The following HERC1 variants were observed in gnomAD, a reference collection of about 807,000 sequenced individuals.
The protein encoded by HERC1 is HECT and RLD domain containing E3 ubiquitin protein ligase family member 1, also known as probable E3 ubiquitin-protein ligase HERC1.
In HERC1, 160 loss-of-function variants were observed where a neutral mutation model predicts 554.3. The ratio of observed to expected loss-of-function variants is 0.29; its 90% CI spans 0.25 to 0.33. The LOEUF (loss-of-function observed/expected upper bound fraction) is 0.33. HERC1 is among the 10% of genes least tolerant of loss of function. HERC1 has a pLI of 1.00. For missense variants in HERC1, 4,919 were observed against 5,918.5 expected (o/e 0.83, Z 5.54); for synonymous variants, 2,175 against 2,131.7 (o/e 1.02, Z -0.56).
intron 12 of HERC1, among the ~76,000 whole-genome samples, chr15:63,744,110 C>CTGTGTGTGTGTGTGTGTGTGTGTG (rs142936354): frequency 5.4e-5 from 5 of 93,350 alleles, no homozygotes; most frequent in Admixed American, 1.1e-4. Flanking sequence ...CCCAAACAGA[C>CTGTGTGTGTGTGTGTGTGTGTGTG]TGTGTGTGTG....
Position 63,758,205 on chromosome 15 carries a change from T to C in HERC1, c.1191A>G (p.Lys397=), listed in dbSNP as rs542395927. 15 of 1,611,544 alleles carry C rather than the reference T, an allele frequency of 9.3e-6. No individual in the cohort carries two copies. The East Asian group carries it at 3.1e-4, about 34-fold the overall frequency. ...GTGCATCAGAGAAACTAGGAGCCAG[T>C]TTGGGTTGCAGTATTTTCTCCTGTG... ...EGTQEKILQP[K]LAPSFSDAQT... The change falls in exon 4 of 78, where the codon AAA becomes AAG. Residue 397 remains lysine (K), a synonymous_variant. Coordinates refer to ENST00000443617, the MANE Select transcript of HERC1 (RefSeq NM_003922.4). The surrounding 1 kb of genome is among the most constrained non-coding windows in gnomAD (Gnocchi z 4.0).
Position 63,615,936 on chromosome 15 carries a change from A to T in HERC1, c.13942-16T>A. ...GAGGAATCATCTAGGAACAGAAGAA[A>T]ACAGAATTTTTATTACATGGTAGAA... On this transcript the variant is annotated splice_polypyrimidine_tract_variant and intron_variant, in intron 75 of 77. Transcript: ENST00000443617. 6.4e-7 allele frequency: 1 copy of T among 1,565,718 alleles called. No individual in the cohort carries two copies. The highest frequency in any genetic ancestry group is 8.6e-7 in the Non-Finnish European group (1 of 1,160,228).
At chr15:63,690,741 AT>A in intron 31 of HERC1, 94 bp from the exon 32 acceptor site, 1 of 736,404 alleles carries the variant, frequency 1.4e-6, no homozygotes, top group Non-Finnish European at 2.4e-6. Flanking sequence ...GCTGCTAAAC[AT>A]TTATGGGTGG....
rs1220043639 is a variant in HERC1, at chr15:63,829,561, G to GTGTGTGTATATATA, written c.-27+4265_-27+4266insTATATATACACACA. ...TATATGTATGTGTGTGTGTGTGTGT[G>GTGTGTGTATATATA]TATATATATATATATATATATATAT... On this transcript the variant is annotated intron_variant, in intron 1 of 77. Coordinates refer to ENST00000443617, the MANE Select transcript of HERC1 (RefSeq NM_003922.4). Among the ~76,000 whole-genome samples, 343 of 81,680 alleles carry GTGTGTGTATATATA rather than the reference G, an allele frequency of 4.2e-3. 3 individuals are homozygous for GTGTGTGTATATATA. The highest frequency in any genetic ancestry group is 7.7e-3 in the South Asian group (20 of 2,600). The allele number at this position is 81,680 out of a possible 152,430, so 53.6% of individuals were successfully genotyped here.
At chr15:63,748,784 C>T (rs986844676) in intron 10 of HERC1, among the ~76,000 whole-genome samples, 3 of 152,040 alleles carry the variant, frequency 2.0e-5, no homozygotes, top group Non-Finnish European at 2.9e-5. Flanking sequence ...TATAAATTAG[C>T]CCATGTGTAT....
chr15:63,763,531 G>T (rs2075677079), intron 3 of HERC1, among the ~76,000 whole-genome samples: 1 of 149,112 alleles, frequency 6.7e-6, no homozygotes, highest in Admixed American at 6.7e-5. Context: ...TGAAGGAAAA[G>T]AAAAATGGAG....
intron 46 of HERC1, among the ~76,000 whole-genome samples, 164 bp downstream of exon 46, chr15:63,660,809 G>A (rs146878704): frequency 2.0e-5 from 3 of 152,172 alleles, no homozygotes; most frequent in East Asian, 1.9e-4. Flanking sequence ...TTAAACCAGC[G>A]TTGTTGCTAT....
At chr15:63,688,761 A>C (rs879726450) in intron 33 of HERC1, among the ~76,000 whole-genome samples, 6 of 152,200 alleles carry the variant, frequency 3.9e-5, no homozygotes, top group Non-Finnish European at 8.8e-5. Flanking sequence ...CAAGATATAA[A>C]TCAATGGAGG....
At chr15:63,631,113 G>C (rs556690667) in intron 68 of HERC1, among the ~76,000 whole-genome samples, 34 of 152,210 alleles carry the variant, frequency 2.2e-4, no homozygotes, top group Middle Eastern at 3.4e-3. Context: ...TGAGTAGCTT[G>C]GACCACAGGC....
intron 56 of HERC1, 52 bp downstream of exon 56, chr15:63,645,431 A>G: frequency 7.5e-7 from 1 of 1,325,872 alleles, no homozygotes. Flanking sequence ...TGCAGATAAC[A>G]GTCTATACCA....
At chr15:63,657,260 GTTTTTTT>G (rs770864894) in intron 48 of HERC1, among the ~76,000 whole-genome samples, 6 of 124,824 alleles carry the variant, frequency 4.8e-5, no homozygotes, top group African/African-American at 1.5e-4. Context: ...TTTGTCTTAG[GTTTTTTT>G]TTTTTTTTTT....
At chr15:63,623,620 C>T (rs925079017) in intron 73 of HERC1, 105 bp downstream of exon 73, 2 of 1,115,484 alleles carry the variant, frequency 1.8e-6, no homozygotes, top group African/African-American at 1.5e-5. Flanking sequence ...ACAAATGCAT[C>T]CTTGCTACAT....
chr15:63,792,421 G>A (rs1204289590), intron 1 of HERC1, among the ~76,000 whole-genome samples: 1 of 152,172 alleles, frequency 6.6e-6, no homozygotes, highest in African/African-American at 2.4e-5. Flanking sequence ...TTCTAGTGCA[G>A]AAGATATTAC....
rs1405159596 is a variant in HERC1, at chr15:63,756,218, GATA to G, written c.1533+216_1533+218del. Reference sequence around the variant, plus strand: ...TCAGTTTGCTTATCTGTGAAATAGGGATAATAACTACCTTACAAGAATAATTAT... The same window carrying G: ...TCAGTTTGCTTATCTGTGAAATAGGGATAACTACCTTACAAGAATAATTAT... On this transcript the variant is annotated intron_variant, in intron 5 of 77. Transcript: ENST00000443617. The surrounding 1 kb of genome is among the most constrained non-coding windows in gnomAD (Gnocchi z 5.0). Among the ~76,000 whole-genome samples the G allele has an allele frequency of 6.6e-6, 1 of 151,936 alleles. No homozygotes were observed. Among genetic ancestry groups the G allele is most frequent in the Non-Finnish European group, 1.5e-5 (1 of 68,020 alleles).
At chr15:63,813,009 G>T (rs935661279) in intron 1 of HERC1, among the ~76,000 whole-genome samples, 1 of 152,120 alleles carries the variant, frequency 6.6e-6, no homozygotes, top group African/African-American at 2.4e-5. Flanking sequence ...TAAGGAACTA[G>T]AATAGCTAAA....
At position 63,612,374 on chromosome 15, in the gene HERC1, G is replaced by T. The variant is rs747124430; in HGVS notation, c.14277C>A (p.His4759Gln). 44 of 1,614,038 alleles carry T rather than the reference G, an allele frequency of 2.7e-5. No homozygotes were observed. In the South Asian group the frequency reaches 4.7e-4, roughly 17 times the overall value. Reference sequence around the variant, plus strand: ...CCTCATTGGAGAACTCTTCCAGCGTGTGCCAGAACCACTGCACCAGCTGAT... The same window carrying T: ...CCTCATTGGAGAACTCTTCCAGCGTTTGCCAGAACCACTGCACCAGCTGAT... ...EQHQLVQWFW[H>Q]TLEEFSNEER... Residue 4759 changes from histidine to glutamine, a missense_variant, in exon 77 of 78, where the codon CAC (histidine) becomes CAA (glutamine). Physicochemically the swap from His to Gln is conservative, Grantham distance 24. Coordinates refer to ENST00000443617, the MANE Select transcript of HERC1 (RefSeq NM_003922.4). The surrounding 1 kb of genome is among the most constrained non-coding windows in gnomAD (Gnocchi z 5.0).
Position 63,752,948 on chromosome 15 carries a change from T to C in HERC1, c.1902+10A>G. The C allele has an allele frequency of 3.1e-6, 5 of 1,612,572 alleles. No individual in the cohort carries two copies. In the South Asian group the frequency reaches 4.4e-5, roughly 14 times the overall value. On this transcript the variant is annotated intron_variant, in intron 8 of 77. Transcript: ENST00000443617. Reference sequence around the variant, plus strand: ...ACTCTAAGTCTTTTATACTCATCCCTTAGTCCTACCTGCCCTGTTGATGTC... The same window carrying C: ...ACTCTAAGTCTTTTATACTCATCCCCTAGTCCTACCTGCCCTGTTGATGTC...
chr15:63,689,168 T>G (rs1229243520), intron 33 of HERC1, among the ~76,000 whole-genome samples: 5 of 152,076 alleles, frequency 3.3e-5, no homozygotes, highest in African/African-American at 1.2e-4. Flanking sequence ...AACAAAAGGC[T>G]AGAGTTTCCA....
At chr15:63,624,735 T>A (rs1299827301) in intron 71 of HERC1, among the ~76,000 whole-genome samples, 1 of 152,200 alleles carries the variant, frequency 6.6e-6, no homozygotes, top group Non-Finnish European at 1.5e-5. Context: ...TACATTATTT[T>A]AAAAATGCAC....
Sources: gnomAD v4.1 joint callset for allele counts (sites outside exome capture counted in the v4.1 genomes callset) on GRCh38, gnomAD v4.1.1 for gene constraint, Gnocchi (gnomAD v3.1) non-coding constraint, MANE v1.5 for transcripts, NCBI Gene and HGNC (gene_info 2026-07-23, HGNC 2026-07-21) for gene names.